The following DLG2 variants were observed in gnomAD, a reference collection of about 807,000 sequenced individuals.
DLG2 encodes disks large homolog 2.
In DLG2, 45 loss-of-function variants were observed where a neutral mutation model predicts 132.5. The ratio of observed to expected loss-of-function variants is 0.34; its 90% CI spans 0.27 to 0.44. DLG2 has a LOEUF of 0.44. DLG2 is among the 20% of genes least tolerant of loss of function. The pLI, the probability that DLG2 is intolerant of heterozygous loss-of-function variation, is 1.00. For missense variants in DLG2, 1,045 were observed against 1,196.9 expected (o/e 0.87, Z 1.87); for synonymous variants, 424 against 419.6 (o/e 1.01, Z -0.13).
At chr11:84,600,732 G>A (rs1390059891) in intron 6 of DLG2, among the ~76,000 whole-genome samples, 1 of 152,042 alleles carries the variant, frequency 6.6e-6, no homozygotes, top group East Asian at 1.9e-4. Context: ...CCTCTTATAG[G>A]ATAGCATTTT....
At chr11:85,125,440 A>C (rs569344284) in intron 5 of DLG2, among the ~76,000 whole-genome samples, 1 of 152,338 alleles carries the variant, frequency 6.6e-6, no homozygotes, top group East Asian at 1.9e-4. Context: ...TTAGTTTTAC[A>C]GACTATGGAT....
intron 18 of DLG2, among the ~76,000 whole-genome samples, chr11:83,721,230 A>T (rs2088465252): frequency 6.6e-6 from 1 of 152,188 alleles, no homozygotes; most frequent in Non-Finnish European, 1.5e-5. Flanking sequence ...GTGAACGTAC[A>T]AGTTAATTAA....
intron 3 of DLG2, among the ~76,000 whole-genome samples, chr11:85,535,315 T>A (rs956520396): frequency 6.6e-6 from 1 of 152,132 alleles, no homozygotes; most frequent in Non-Finnish European, 1.5e-5. Flanking sequence ...GCTAGTACCA[T>A]ATAATGTTTA....
At chr11:85,476,097 A>C (rs2093133336) in intron 3 of DLG2, among the ~76,000 whole-genome samples, 1 of 152,144 alleles carries the variant, frequency 6.6e-6, no homozygotes, top group Non-Finnish European at 1.5e-5. Flanking sequence ...GGTACACCCT[A>C]CTACACACTT....
intron 6 of DLG2, among the ~76,000 whole-genome samples, chr11:84,773,344 C>G (rs2069760057): frequency 6.6e-6 from 1 of 152,046 alleles, no homozygotes; most frequent in Non-Finnish European, 1.5e-5. Flanking sequence ...TTCTACCAGA[C>G]ATATAAAACA....
intron 3 of DLG2, among the ~76,000 whole-genome samples, chr11:85,499,975 C>A (rs1331349056): frequency 1.3e-5 from 2 of 152,112 alleles, no homozygotes; most frequent in Admixed American, 1.3e-4. Flanking sequence ...TTATGATGAA[C>A]CCATAGCAAA....
chr11:84,167,104 T>C (rs1297294577), intron 8 of DLG2: 2 of 473,688 alleles, frequency 4.2e-6, no homozygotes, highest in Non-Finnish European at 8.5e-6. Context: ...TTCATAGACT[T>C]GGAGAGTCAG....
At chr11:83,948,935 T>A (rs2084744837) in intron 14 of DLG2, among the ~76,000 whole-genome samples, 1 of 152,206 alleles carries the variant, frequency 6.6e-6, no homozygotes, top group Admixed American at 6.5e-5. Context: ...TGCTTACTCA[T>A]GCATAAAGTG....
intron 14 of DLG2, among the ~76,000 whole-genome samples, chr11:83,961,927 G>A (rs1303337661): frequency 6.6e-6 from 1 of 152,008 alleles, no homozygotes; most frequent in Non-Finnish European, 1.5e-5. Context: ...GATATAAAGA[G>A]CTACTTCAGC....
intron 8 of DLG2, among the ~76,000 whole-genome samples, chr11:84,229,414 CAGGGTCAAT>C (rs1404669467): frequency 6.6e-6 from 1 of 152,278 alleles, no homozygotes; most frequent in Non-Finnish European, 1.5e-5. Context: ...CAGAGGTCAA[CAGGGTCAAT>C]ATTTCTGACT....
At chr11:84,234,124 C>T (rs954652609) in intron 8 of DLG2, among the ~76,000 whole-genome samples, 6 of 152,180 alleles carry the variant, frequency 3.9e-5, no homozygotes, top group Non-Finnish European at 8.8e-5. Flanking sequence ...CAGGCCACTG[C>T]ACATGTGGAC....
At chr11:83,682,502 C>G in intron 18 of DLG2, 1 of 936,856 alleles carries the variant, frequency 1.1e-6, no homozygotes, top group African/African-American at 1.8e-5. Flanking sequence ...TTCCCACCAT[C>G]AGTAGTGTAC....
intron 6 of DLG2, among the ~76,000 whole-genome samples, chr11:84,909,795 C>A (rs1467766531): frequency 6.6e-6 from 1 of 152,160 alleles, no homozygotes; most frequent in East Asian, 1.9e-4. Flanking sequence ...GGATATATTA[C>A]CCCTTAAGTT....
chr11:85,231,977 T>C (rs534129356), intron 4 of DLG2, among the ~76,000 whole-genome samples: 11 of 151,944 alleles, frequency 7.2e-5, no homozygotes, highest in African/African-American at 2.7e-4. Context: ...CTAGGCAGTA[T>C]TTCCTATGCA....
intron 6 of DLG2, among the ~76,000 whole-genome samples, chr11:84,542,989 C>CTAT (rs2099380903): frequency 6.6e-6 from 1 of 152,142 alleles, no homozygotes; most frequent in Non-Finnish European, 1.5e-5. Context: ...CTCAGCCTAT[C>CTAT]TATGACCTGT....
At chr11:84,071,107 T>G (rs536887312) in intron 10 of DLG2, among the ~76,000 whole-genome samples, 26 of 152,314 alleles carry the variant, frequency 1.7e-4, no homozygotes, top group Non-Finnish European at 2.9e-4. Context: ...TTATTTATTG[T>G]TTTTGAGAAG....
chr11:85,189,157 G>T (rs974127741), intron 4 of DLG2, among the ~76,000 whole-genome samples: 1 of 152,102 alleles, frequency 6.6e-6, no homozygotes, highest in Non-Finnish European at 1.5e-5. Context: ...CCATAAGAAA[G>T]AATGGTGGCT....
In DLG2 at chr11:84,116,923, A is replaced by C. The variant is rs1329125320; in HGVS notation, c.625-17876T>G. Among the ~76,000 whole-genome samples the C allele has an allele frequency of 2.6e-5, 4 of 152,306 alleles. 1 individual carries two copies. In the East Asian group the frequency reaches 7.7e-4, roughly 29 times the overall value. ...TTATGGCACTTTGTTATTATGTTGCACTTTGCTTTCCAACGCCTATTTCTC... is the reference window on the plus strand; with the variant it reads ...TTATGGCACTTTGTTATTATGTTGCCCTTTGCTTTCCAACGCCTATTTCTC... On this transcript the variant is annotated intron_variant, in intron 9 of 27. Coordinates refer to ENST00000376104, the MANE Select transcript of DLG2 (RefSeq NM_001142699.3).
intron 7 of DLG2, among the ~76,000 whole-genome samples, chr11:84,270,986 C>A (rs2097714155): frequency 6.6e-6 from 1 of 152,062 alleles, no homozygotes; most frequent in Non-Finnish European, 1.5e-5. Context: ...GTACAAATTC[C>A]ATACAAGTGA....
Sources: allele counts gnomAD v4.1 joint callset (sites outside exome capture counted in the v4.1 genomes callset), GRCh38; gene constraint gnomAD v4.1.1; transcripts MANE v1.5; gene names NCBI Gene and HGNC (gene_info 2026-07-23, HGNC 2026-07-21).